TGM2: variants seen among roughly 807,000 people sequenced by gnomAD.
TGM2 encodes the protein protein-glutamine gamma-glutamyltransferase 2.
TGM2 carries 53 observed loss-of-function variants against 75.6 expected under a neutral mutation model. The ratio of observed to expected loss-of-function variants is 0.70; its 90% CI spans 0.56 to 0.88. The LOEUF (loss-of-function observed/expected upper bound fraction) is 0.88. TGM2 is among the 40% of genes least tolerant of loss of function. TGM2 has a pLI of 0.00. For synonymous variants in TGM2, 374 were observed against 381.1 expected (o/e 0.98, Z 0.22); for missense variants, 842 against 928.5 (o/e 0.91, Z 1.21).
intron 1 of TGM2, among the ~76,000 whole-genome samples, chr20:38,163,371 C>T (rs1421978116): frequency 2.6e-5 from 4 of 152,182 alleles, no homozygotes; most frequent in Non-Finnish European, 5.9e-5. Flanking sequence ...GTCTCCTGCT[C>T]ACCATCGACT....
chr20:38,143,755 G>A (rs559891433), intron 6 of TGM2, among the ~76,000 whole-genome samples: 1 of 152,336 alleles, frequency 6.6e-6, no homozygotes, highest in African/African-American at 2.4e-5. Flanking sequence ...AACAAGATTA[G>A]GCGTAATAAG....
Position 38,130,399 on chromosome 20 carries a change from G to T in TGM2, c.1914-30C>A, listed in dbSNP as rs571444105. On this transcript the variant is annotated intron_variant, in intron 12 of 12. Coordinates refer to ENST00000361475, the MANE Select transcript of TGM2 (RefSeq NM_004613.4). ...AGGGAGAGAGGGGGTGGTGAGGAAA[G>T]GGGCCCAAGGCCTGGCTCCCGCATG... The T allele has an allele frequency of 3.7e-4, 578 of 1,566,408 alleles. 7 individuals are homozygous for T. The South Asian group carries it at 6.4e-3, about 17-fold the overall frequency.
At chr20:38,131,037 C>T (rs531494883) in intron 12 of TGM2, 56 bp downstream of exon 12, 31 of 1,605,402 alleles carry the variant, frequency 1.9e-5, no homozygotes, top group African/African-American at 2.7e-5. Context: ...GTCTCTACCC[C>T]CACCGGCATC....
In TGM2 at chr20:38,127,906, T is replaced by A. The variant is rs2074782824; in HGVS notation, c.*2313A>T. 1.3e-5 allele frequency: 2 copies of A among 152,284 alleles called. No individual in the cohort carries two copies. The highest frequency in any genetic ancestry group is 1.3e-4 in the Admixed American group (2 of 15,292). 9.4% of individuals were successfully genotyped at this position (152,284 alleles called of 1,614,324 possible). A position where few individuals can be genotyped will look rare whatever the true frequency, so the allele number is the denominator to read the frequency against. On this transcript the variant is annotated 3_prime_UTR_variant, in exon 13 of 13. Coordinates refer to ENST00000361475, the MANE Select transcript of TGM2 (RefSeq NM_004613.4). ...CAGCACAGGTCTTGTGGGAGTTGAG[T>A]TAGGAAACATTCATTTACCAATTCA...
rs766584670 is a variant in TGM2, at chr20:38,139,670, A to AG, written c.1100-17dup. 2.5e-5 allele frequency: 40 copies of AG among 1,614,014 alleles called. No individual in the cohort carries two copies. In the East Asian group the frequency reaches 6.0e-4, roughly 24 times the overall value. Reference sequence around the variant, plus strand: ...CAGTACGTCCCTGGCAGAGGTAGAAAGGGGAAGGGATGGGCCTGGGTGAAG... The same window carrying AG: ...CAGTACGTCCCTGGCAGAGGTAGAAAGGGGGAAGGGATGGGCCTGGGTGAAG... On this transcript the variant is annotated splice_polypyrimidine_tract_variant and intron_variant, in intron 8 of 12. Coordinates refer to ENST00000361475, the MANE Select transcript of TGM2 (RefSeq NM_004613.4).
At chr20:38,163,776 G>A (rs551741060) in intron 1 of TGM2, among the ~76,000 whole-genome samples, 3 of 152,292 alleles carry the variant, frequency 2.0e-5, no homozygotes, top group East Asian at 1.9e-4. Context: ...CTATTGCGGC[G>A]AGGAAATGTT....
In TGM2 at chr20:38,146,941, C is replaced by T. The variant is rs376479788; in HGVS notation, c.682-47G>A. 69 of 1,588,728 alleles carry T rather than the reference C, an allele frequency of 4.3e-5. No individual in the cohort carries two copies. The Admixed American group carries it at 5.9e-4, about 14-fold the overall frequency. Reference sequence around the variant, plus strand: ...GGGGACTGAGCCTGGGATGGGGTGTCGGCTGTGCCGCCTGGGTGAGCCTGA... The same window carrying T: ...GGGGACTGAGCCTGGGATGGGGTGTTGGCTGTGCCGCCTGGGTGAGCCTGA... On this transcript the variant is annotated intron_variant, in intron 5 of 12. Coordinates refer to ENST00000361475, the MANE Select transcript of TGM2 (RefSeq NM_004613.4).
chr20:38,155,714 C>A, intron 3 of TGM2, 133 bp downstream of exon 3: 1 of 1,359,570 alleles, frequency 7.4e-7, no homozygotes, highest in Non-Finnish European at 9.8e-7. Context: ...GAGGCTGGAG[C>A]ACAGTGGGCC....
chr20:38,141,524 C>T, intron 7 of TGM2, 139 bp from the exon 8 acceptor site: 1 of 713,150 alleles, frequency 1.4e-6, no homozygotes. Flanking sequence ...CTCCCCACTG[C>T]CTTGTTCTTC....
chr20:38,131,009 G>A (rs1350699694), intron 12 of TGM2, 84 bp downstream of exon 12: 4 of 1,592,658 alleles, frequency 2.5e-6, no homozygotes, highest in Non-Finnish European at 3.4e-6. Flanking sequence ...TTCAGCCAGG[G>A]CTTGGTACCT....
chr20:38,165,253 C>T lies in TGM2; in HGVS notation c.-55G>A. On this transcript the variant is annotated 5_prime_UTR_variant, in exon 1 of 13. Transcript: ENST00000361475. ...TGGCGGCGAGACCCTCCAAGTGCGA[C>T]CACTGGCGGCTGGCACTGCCGAGGC... 1 of 1,610,620 alleles carries T rather than the reference C, an allele frequency of 6.2e-7. No homozygotes were observed. Among genetic ancestry groups the T allele is most frequent in the Non-Finnish European group, 8.5e-7 (1 of 1,179,636 alleles).
In TGM2 at chr20:38,146,781, C is replaced by G; in HGVS notation, c.795G>C (p.Lys265Asn). The change falls in exon 6 of 13, where the codon AAG becomes AAC. Residue 265 changes from lysine (K) to asparagine (N), a missense_variant. Lys to Asn is a moderately conservative substitution (Grantham distance 94, BLOSUM62 0). Transcript: ENST00000361475. ...ACTTGACGCGCTGGCAGCCGTGGTTCTTCCAGCGCCGCAGGATGTCCACGC... is the reference window on the plus strand; with the variant it reads ...ACTTGACGCGCTGGCAGCCGTGGTTGTTCCAGCGCCGCAGGATGTCCACGC... ...IGSVDILRRWKNHGCQRVKYG... is the reference protein window; with the variant it reads ...IGSVDILRRWNNHGCQRVKYG... 1.9e-6 allele frequency: 3 copies of G among 1,613,904 alleles called. No individual in the cohort carries two copies. Among genetic ancestry groups the G allele is most frequent in the Non-Finnish European group, 2.5e-6 (3 of 1,179,986 alleles).
At chr20:38,132,954 A>G (rs2074855098) in intron 10 of TGM2, 7 of 433,420 alleles carry the variant, frequency 1.6e-5, no homozygotes, top group Non-Finnish European at 2.8e-5. Flanking sequence ...TGCTTGCTGC[A>G]CCAGGCACTG....
At chr20:38,147,927 C>A (rs2075065249) in intron 5 of TGM2, 34 bp downstream of exon 5, 1 of 1,594,196 alleles carries the variant, frequency 6.3e-7, no homozygotes, top group Non-Finnish European at 8.5e-7. Context: ...CCCCTGTAGG[C>A]CCCGCCCCTG....
chr20:38,132,528 C>T (rs768387122), intron 10 of TGM2, 28 bp from the exon 11 acceptor site: 2 of 1,613,738 alleles, frequency 1.2e-6, no homozygotes, highest in Non-Finnish European at 1.7e-6. Context: ...GGAGGGTGCT[C>T]ATGATGCAGA....
rs764008291 is a variant in TGM2 at position 38,155,933 on chromosome 20, C to A, written c.347G>T (p.Arg116Leu). ...GCCAGTGGAGGCCTCCAGGCTGAGG[C>A]GATACAGGCCGATGGGGGCGTTGGC... ...TPANAPIGLY[R>L]LSLEASTGYQ... Residue 116 changes from arginine to leucine, a missense_variant, in exon 3 of 13, where the codon CGC (arginine) becomes CTC (leucine). Transcript: ENST00000361475. 2.5e-6 allele frequency: 4 copies of A among 1,611,204 alleles called. No individual in the cohort carries two copies. The East Asian group carries it at 8.9e-5, about 36-fold the overall frequency.
Position 38,147,954 on chromosome 20 carries a change from C to A in TGM2, c.681+7G>T. On this transcript the variant is annotated splice_region_variant and intron_variant, in intron 5 of 12. Coordinates refer to ENST00000361475, the MANE Select transcript of TGM2 (RefSeq NM_004613.4). ...CCGCCCCTGGATGGGCCATGCCACTCACTCACCATGCCACTCACCACCCGG... is the reference window on the plus strand; with the variant it reads ...CCGCCCCTGGATGGGCCATGCCACTAACTCACCATGCCACTCACCACCCGG... The A allele has an allele frequency of 6.2e-7, 1 of 1,608,554 alleles. No individual in the cohort carries two copies. The highest frequency in any genetic ancestry group is 8.5e-7 in the Non-Finnish European group (1 of 1,178,268).
At position 38,165,232 on chromosome 20, in the gene TGM2, G is replaced by A. The variant is rs112569594; in HGVS notation, c.-34C>T. On this transcript the variant is annotated 5_prime_UTR_variant, in exon 1 of 13. Transcript: ENST00000361475. ...GGGGGCGGTGGCTCCTTCCACTGGC[G>A]GCGAGACCCTCCAAGTGCGACCACT... The A allele has an allele frequency of 7.8e-3, 12,576 of 1,612,478 alleles. 233 individuals are homozygous for A. In the Middle Eastern group the frequency reaches 0.078, roughly 10 times the overall value.
chr20:38,144,642 A>T (rs914821141), intron 6 of TGM2, among the ~76,000 whole-genome samples: 1 of 152,158 alleles, frequency 6.6e-6, no homozygotes, highest in Non-Finnish European at 1.5e-5. Context: ...TCTCCATTTT[A>T]TAGATGAGGA....
Sources: allele counts gnomAD v4.1 joint callset (sites outside exome capture counted in the v4.1 genomes callset), GRCh38; gene constraint gnomAD v4.1.1; transcripts MANE v1.5; gene names NCBI Gene and HGNC (gene_info 2026-07-23, HGNC 2026-07-21).